TCF12: variants seen among roughly 807,000 people sequenced by gnomAD.
TCF12 encodes transcription factor 12.
A neutral mutation model predicts 86.0 loss-of-function variants in TCF12; 45 were observed. That is an observed-to-expected ratio of 0.52 (90% CI 0.41 to 0.67). TCF12 has a LOEUF of 0.67. Ranked by LOEUF, TCF12 falls within the 30% of genes least tolerant of loss-of-function variation. The probability of loss-of-function intolerance (pLI) is 0.00; values close to 1 mark genes in which losing one functional copy is unlikely to be tolerated. For synonymous variants in TCF12, 330 were observed against 299.6 expected (o/e 1.10, Z -1.05); for missense variants, 881 against 859.9 (o/e 1.02, Z -0.31).
chr15:57,028,282 A>G (rs1315814624), intron 3 of TCF12, among the ~76,000 whole-genome samples: 1 of 152,118 alleles, frequency 6.6e-6, no homozygotes, highest in Non-Finnish European at 1.5e-5. Context: ...TTCTTTATAA[A>G]TTACCCAGTC....
At chr15:56,937,008 T>C (rs1295999542) in intron 3 of TCF12, among the ~76,000 whole-genome samples, 1 of 152,200 alleles carries the variant, frequency 6.6e-6, no homozygotes, top group African/African-American at 2.4e-5. Context: ...CTGTGAAGAA[T>C]GATCATGGTA....
At chr15:56,966,692 T>C (rs558352818) in intron 3 of TCF12, among the ~76,000 whole-genome samples, 4 of 152,370 alleles carry the variant, frequency 2.6e-5, no homozygotes, top group South Asian at 4.1e-4. Context: ...ACTTATTTTT[T>C]TTCTCACATA....
At chr15:57,062,842 G>C (rs74576465) in intron 3 of TCF12, among the ~76,000 whole-genome samples, 6,115 of 152,290 alleles carry the variant, frequency 0.04, 371 homozygotes, top group Admixed American at 0.17. Flanking sequence ...TTTCTGTGTT[G>C]ATGAATTTCA....
intron 8 of TCF12, among the ~76,000 whole-genome samples, chr15:57,223,990 C>G (rs2058749030): frequency 6.6e-6 from 1 of 151,940 alleles, no homozygotes; most frequent in East Asian, 1.9e-4. Flanking sequence ...CAGCATAAAC[C>G]TACTTCACAT....
At chr15:57,219,495 A>G (rs1191516188) in intron 8 of TCF12, 2 of 1,607,476 alleles carry the variant, frequency 1.2e-6, no homozygotes, top group Non-Finnish European at 8.5e-7. Flanking sequence ...TGCATTAGCT[A>G]CAAATAGTAA....
intron 3 of TCF12, among the ~76,000 whole-genome samples, chr15:56,976,255 G>A (rs1193217236): frequency 8.2e-6 from 1 of 121,922 alleles, no homozygotes; most frequent in Non-Finnish European, 1.6e-5. Flanking sequence ...TTTTGAGATG[G>A]AGTCTTGCTC....
intron 4 of TCF12, among the ~76,000 whole-genome samples, chr15:57,087,007 C>A (rs2151090548): frequency 6.6e-6 from 1 of 151,464 alleles, no homozygotes; most frequent in South Asian, 2.1e-4. Context: ...TAGGTGTGTT[C>A]TCTCCCTCTG....
chr15:57,085,171 C>T (rs1273401040), intron 4 of TCF12, among the ~76,000 whole-genome samples: 4 of 152,146 alleles, frequency 2.6e-5, no homozygotes, highest in African/African-American at 4.8e-5. Context: ...TTCATCCTCT[C>T]AACAAAAACT....
intron 3 of TCF12, among the ~76,000 whole-genome samples, chr15:57,057,334 C>T (rs1423893271): frequency 1.3e-5 from 2 of 152,200 alleles, no homozygotes; most frequent in Non-Finnish European, 2.9e-5. Flanking sequence ...GCCAAAAAGA[C>T]AATGGGGTTT....
At chr15:57,176,804 G>A (rs1426865756) in intron 6 of TCF12, among the ~76,000 whole-genome samples, 2 of 152,174 alleles carry the variant, frequency 1.3e-5, no homozygotes, top group Admixed American at 1.3e-4. Context: ...GAAAGAGCAG[G>A]TGCAGTAAGT....
chr15:57,085,755 A>G (rs560325815), intron 4 of TCF12, among the ~76,000 whole-genome samples: 1 of 152,294 alleles, frequency 6.6e-6, no homozygotes, highest in African/African-American at 2.4e-5. Context: ...TTTTATTAAT[A>G]TTTCACTTTG....
chr15:57,136,958 G>GTTTTTTTTGTTT (rs2052568748), intron 5 of TCF12, among the ~76,000 whole-genome samples: 20 of 82,992 alleles, frequency 2.4e-4, no homozygotes, highest in African/African-American at 9.2e-4. Context: ...GCTTCTGGCA[G>GTTTTTTTTGTTT]TTTTTTTTTT....
chr15:56,984,304 G>A (rs2063067853), intron 3 of TCF12, among the ~76,000 whole-genome samples: 1 of 148,760 alleles, frequency 6.7e-6, no homozygotes, highest in Non-Finnish European at 1.5e-5. Flanking sequence ...GAAGGGTGGA[G>A]AGGGAGAGAA....
At chr15:57,245,525 G>T (rs898900) in intron 13 of TCF12, among the ~76,000 whole-genome samples, 150,938 of 152,334 alleles carry the variant, frequency 0.99, 74,792 homozygotes, top group Middle Eastern at 1. Context: ...CCACTACCTC[G>T]CCTTGTCTGT....
chr15:57,205,729 A>T (rs1181831302), intron 8 of TCF12, among the ~76,000 whole-genome samples: 1 of 152,248 alleles, frequency 6.6e-6, no homozygotes, highest in African/African-American at 2.4e-5. Context: ...ATTAATAAGA[A>T]GTAGCCACTG....
At chr15:56,982,335 AT>A (rs1248578761) in intron 3 of TCF12, among the ~76,000 whole-genome samples, 1 of 152,322 alleles carries the variant, frequency 6.6e-6, no homozygotes, top group South Asian at 2.1e-4. Context: ...AATTAAGGTA[AT>A]TAAAATGCTC....
chr15:57,097,217 CA>C (rs573498839), intron 5 of TCF12, among the ~76,000 whole-genome samples: 16 of 152,268 alleles, frequency 1.1e-4, no homozygotes, highest in South Asian at 1.0e-3. Flanking sequence ...TTCAGACTAT[CA>C]AAGGGTAATA....
intron 3 of TCF12, among the ~76,000 whole-genome samples, chr15:56,995,231 C>CTTTTTTT (rs557610511): frequency 0.025 from 768 of 30,278 alleles, 222 homozygotes; most frequent in Middle Eastern, 0.14. Context: ...ATACCTGCAG[C>CTTTTTTT]TTTTTTTTTT....
intron 7 of TCF12, among the ~76,000 whole-genome samples, chr15:57,193,314 C>G (rs769448805): frequency 4.6e-5 from 7 of 152,194 alleles, no homozygotes; most frequent in Non-Finnish European, 8.8e-5. Context: ...GTAGCATATA[C>G]TACATTCACT....
Sources: allele counts gnomAD v4.1 joint callset (sites outside exome capture counted in the v4.1 genomes callset), GRCh38; gene constraint gnomAD v4.1.1; transcripts MANE v1.5; gene names NCBI Gene and HGNC (gene_info 2026-07-23, HGNC 2026-07-21).